The following DOCK5 variants were observed in gnomAD, a reference collection of about 807,000 sequenced individuals.
DOCK5 encodes dedicator of cytokinesis 5, also known as dedicator of cytokinesis protein 5.
Under a neutral mutation model 251.8 loss-of-function variants are expected in DOCK5, and 142 were observed. That is an observed-to-expected ratio of 0.56 (90% CI 0.49 to 0.65). DOCK5 has a LOEUF of 0.65. DOCK5 is among the 30% of genes least tolerant of loss of function. The probability of loss-of-function intolerance (pLI) is 0.00; values close to 1 mark genes in which losing one functional copy is unlikely to be tolerated. For missense variants in DOCK5, 2,111 were observed against 2,312.3 expected, an observed-to-expected ratio of 0.91 and a Z score of 1.79; for synonymous variants, 842 against 835.5, an observed-to-expected ratio of 1.01 and a Z score of -0.13.
intron 26 of DOCK5, among the ~76,000 whole-genome samples, chr8:25,346,688 G>C (rs1800374169): frequency 7.0e-6 from 1 of 143,206 alleles, no homozygotes; most frequent in Admixed American, 7.0e-5. Flanking sequence ...GCTGGGCGTG[G>C]TGGCACGCGC....
intron 2 of DOCK5, among the ~76,000 whole-genome samples, chr8:25,245,620 A>G (rs1803079646): frequency 6.6e-6 from 1 of 151,220 alleles, no homozygotes; most frequent in Admixed American, 6.6e-5. Context: ...GCTCACTGCA[A>G]CCTCCACGTC....
At chr8:25,311,038 C>T (rs188805628) in intron 13 of DOCK5, among the ~76,000 whole-genome samples, 52 of 152,280 alleles carry the variant, frequency 3.4e-4, no homozygotes, top group Admixed American at 2.3e-3. Context: ...GCTCCAAAAG[C>T]GCTCTGGCTC....
In DOCK5 at chr8:25,206,718, A is replaced by T. The variant is rs114910358; in HGVS notation, c.43+21767A>T. Among the ~76,000 whole-genome samples the T allele has an allele frequency of 6.2e-3, 941 of 152,324 alleles. 7 individuals are homozygous for T. Among genetic ancestry groups the T allele is most frequent in the African/African-American group, 0.022 (899 of 41,570 alleles). The stretch of plus-strand genomic sequence containing the variant: ...ACCTAGAGGCCATTCCGTAGCCTGG[A>T]CAATGACATATGGTTTGACGCAAAG... On this transcript the variant is annotated intron_variant, in intron 1 of 51. Transcript: ENST00000276440.
chr8:25,335,201 A>G (rs1365464204), intron 21 of DOCK5, among the ~76,000 whole-genome samples: 1 of 152,154 alleles, frequency 6.6e-6, no homozygotes, highest in Non-Finnish European at 1.5e-5. Context: ...CATCCTGTAG[A>G]TTGCTGCCCA....
intron 10 of DOCK5, among the ~76,000 whole-genome samples, chr8:25,302,725 G>A (rs755110783): frequency 1.3e-5 from 2 of 152,166 alleles, no homozygotes; most frequent in Admixed American, 6.6e-5. Context: ...AATAATACTC[G>A]CCTTAAACAG....
chr8:25,197,564 C>CGTAA (rs1554515093), intron 1 of DOCK5, among the ~76,000 whole-genome samples: 1 of 131,686 alleles, frequency 7.6e-6, no homozygotes, highest in African/African-American at 3.0e-5. Flanking sequence ...CTTTAAGGAT[C>CGTAA]GTGTCTTTGT....
At chr8:25,377,233 A>G (rs1388253222) in intron 37 of DOCK5, 72 bp from the exon 38 acceptor site, 2 of 1,501,562 alleles carry the variant, frequency 1.3e-6, no homozygotes, top group Non-Finnish European at 1.8e-6. Context: ...AAATATATAT[A>G]CAATATTTTC....
At chr8:25,384,390 G>A (rs1434736816) in intron 40 of DOCK5, among the ~76,000 whole-genome samples, 3 of 150,718 alleles carry the variant, frequency 2.0e-5, no homozygotes, top group East Asian at 2.0e-4. Flanking sequence ...CACTAAAAGG[G>A]GTCCATTTTA....
intron 11 of DOCK5, 105 bp from the exon 12 acceptor site, chr8:25,308,678 T>G: frequency 3.2e-6 from 4 of 1,249,386 alleles, no homozygotes; most frequent in Non-Finnish European, 4.5e-6. Context: ...TACTTAGTGT[T>G]GATATCTCCA....
At chr8:25,362,462 C>CTTTTTTTTTTTTTTTTTTTTTTTTTTT (rs869096662) in intron 28 of DOCK5, among the ~76,000 whole-genome samples, 60 of 54,616 alleles carry the variant, frequency 1.1e-3, no homozygotes, top group Non-Finnish European at 1.5e-3. Context: ...CTTTTCTTTT[C>CTTTTTTTTTTTTTTTTTTTTTTTTTTT]TTTTTTTTTT....
chr8:25,268,932 T>C, intron 3 of DOCK5, 47 bp downstream of exon 3: 1 of 1,482,462 alleles, frequency 6.7e-7, no homozygotes, highest in Non-Finnish European at 9.1e-7. Flanking sequence ...ATCTGTCTGC[T>C]AGTTTTGTAT....
intron 45 of DOCK5, 86 bp from the exon 46 acceptor site, chr8:25,399,824 CG>C: frequency 1.0e-6 from 1 of 987,434 alleles, no homozygotes; most frequent in Non-Finnish European, 1.5e-6. Context: ...CTGGTTCTTC[CG>C]CACAGGACAC....
intron 4 of DOCK5, among the ~76,000 whole-genome samples, chr8:25,277,837 A>G (rs1418671234): frequency 6.6e-6 from 1 of 152,216 alleles, no homozygotes; most frequent in Non-Finnish European, 1.5e-5. Context: ...CAGAAATTCA[A>G]ACTTAACTAG....
chr8:25,413,193 A>G lies in DOCK5; in HGVS notation c.*1895A>G, dbSNP rs372741866. 15 of 152,194 alleles carry G rather than the reference A, an allele frequency of 9.9e-5. No homozygotes were observed. The highest frequency in any genetic ancestry group is 9.6e-4 in the East Asian group (5 of 5,202). 9.4% of individuals were successfully genotyped at this position (152,194 alleles called of 1,614,324 possible). On this transcript the variant is annotated 3_prime_UTR_variant, in exon 52 of 52. Coordinates refer to ENST00000276440, the MANE Select transcript of DOCK5 (RefSeq NM_024940.8). The stretch of plus-strand genomic sequence containing the variant: ...GTTTCAATGAGATGAAATATGGGAA[A>G]GAAGAGGTACTCACCTGATGGTCCC...
intron 2 of DOCK5, among the ~76,000 whole-genome samples, chr8:25,255,445 A>G (rs934217222): frequency 2.6e-5 from 4 of 152,238 alleles, no homozygotes; most frequent in African/African-American, 7.2e-5. Flanking sequence ...GTCAATCCAC[A>G]TGATTCCAAC....
At chr8:25,249,987 G>A (rs920701992) in intron 2 of DOCK5, among the ~76,000 whole-genome samples, 7 of 152,204 alleles carry the variant, frequency 4.6e-5, no homozygotes, top group Non-Finnish European at 8.8e-5. Flanking sequence ...CATTTGGGTC[G>A]TTTAGATGTT....
rs934374957 is a variant in DOCK5, at chr8:25,379,019, G to T, written c.3937-1286G>T. ...GAGGGGGTGTACCAACAGGGAGCAG[G>T]TCACATACTTCAAGGGGCAAAAAGC... is the stretch of plus-strand genomic sequence containing the variant. On this transcript the variant is annotated intron_variant, in intron 38 of 51. Transcript: ENST00000276440. 2.0e-5 allele frequency among the ~76,000 whole-genome samples: 3 copies of T among 152,150 alleles called. No individual in the cohort carries two copies. In the South Asian group the frequency reaches 6.2e-4, roughly 32 times the overall value.
chr8:25,354,466 A>G (rs1800531951), intron 27 of DOCK5, among the ~76,000 whole-genome samples: 1 of 152,182 alleles, frequency 6.6e-6, no homozygotes, highest in Non-Finnish European at 1.5e-5. Flanking sequence ...AACTCACTCA[A>G]GGACATCAGC....
chr8:25,292,044 C>G lies in DOCK5; in HGVS notation c.342C>G (p.Phe114Leu), dbSNP rs775706885. Residue 114 changes from phenylalanine to leucine, a missense_variant, in exon 6 of 52, where the codon TTC becomes TTG. By Grantham distance (22) the Phe-to-Leu change is conservative. Transcript: ENST00000276440. ...CTTAGAACAACAAGCTCACCCTCTT[C>G]CGCCAGCTGCAGCAGATGACGTACA... ...KLYVNNKLTL[F>L]RQLQQMTYSL... The G allele has an allele frequency of 6.2e-7, 1 of 1,600,290 alleles. No individual in the cohort carries two copies. The highest frequency in any genetic ancestry group is 1.1e-5 in the South Asian group (1 of 88,342).
Sources: allele counts gnomAD v4.1 joint callset (sites outside exome capture counted in the v4.1 genomes callset), GRCh38; gene constraint gnomAD v4.1.1; transcripts MANE v1.5; gene names NCBI Gene and HGNC (gene_info 2026-07-23, HGNC 2026-07-21).